NTRK2: variants seen among roughly 807,000 people sequenced by gnomAD.
NTRK2 encodes the protein neurotrophic receptor tyrosine kinase 2, also known as BDNF/NT-3 growth factors receptor.
A neutral mutation model predicts 94.5 loss-of-function variants in NTRK2; 13 were observed. The observed-to-expected ratio is 0.14, with a 90% CI of 0.09 to 0.22. The LOEUF is 0.22. Ranked by LOEUF, NTRK2 falls within the 10% of genes least tolerant of loss-of-function variation. The probability of loss-of-function intolerance (pLI) is 1.00; values close to 1 mark genes in which losing one functional copy is unlikely to be tolerated. For missense variants in NTRK2, 639 were observed against 1,071.2 expected (o/e 0.60, Z 5.63); for synonymous variants, 372 against 407.4 (o/e 0.91, Z 1.05).
chr9:84,880,800 G>A (rs1042711082), intron 14 of NTRK2, among the ~76,000 whole-genome samples: 1 of 152,218 alleles, frequency 6.6e-6, no homozygotes, highest in South Asian at 2.1e-4. Flanking sequence ...GAGTTAGAAC[G>A]GCAAGGTTAG....
At chr9:84,951,882 CTT>C (rs2078795977) in intron 16 of NTRK2, among the ~76,000 whole-genome samples, 1 of 152,176 alleles carries the variant, frequency 6.6e-6, no homozygotes, top group Non-Finnish European at 1.5e-5. Context: ...GATGTCTTCT[CTT>C]GTCTCCCTAC....
chr9:84,740,904 A>G (rs1251837492), intron 9 of NTRK2, among the ~76,000 whole-genome samples: 1 of 152,236 alleles, frequency 6.6e-6, no homozygotes, highest in Admixed American at 6.5e-5. Context: ...TTTTCCTGCT[A>G]AGGGTTCAGA....
chr9:84,863,273 TGTAAAGTCATA>T (rs1554755786), intron 13 of NTRK2, among the ~76,000 whole-genome samples: 1 of 152,190 alleles, frequency 6.6e-6, no homozygotes, highest in Non-Finnish European at 1.5e-5. Context: ...TAGAAATGTC[TGTAAAGTCATA>T]GTACAGGATG....
intron 2 of NTRK2, among the ~76,000 whole-genome samples, chr9:84,683,605 G>A (rs1490307015): frequency 6.6e-6 from 1 of 152,094 alleles, no homozygotes; most frequent in African/African-American, 2.4e-5. Context: ...GGGCATTTTG[G>A]TTGGTTCCAA....
chr9:84,701,156 G>A (rs754533843), intron 2 of NTRK2, among the ~76,000 whole-genome samples: 1 of 152,228 alleles, frequency 6.6e-6, no homozygotes, highest in Non-Finnish European at 1.5e-5. Flanking sequence ...TTTACTGATT[G>A]CAAATGATAG....
chr9:84,923,360 T>C (rs1490693898), intron 14 of NTRK2, among the ~76,000 whole-genome samples: 2 of 152,340 alleles, frequency 1.3e-5, no homozygotes, highest in African/African-American at 4.8e-5. Flanking sequence ...TACCACATTC[T>C]GATTGTGTTA....
chr9:84,716,805 T>C (rs917306411), intron 6 of NTRK2, among the ~76,000 whole-genome samples: 3 of 152,240 alleles, frequency 2.0e-5, no homozygotes, highest in Admixed American at 2.0e-4. Context: ...TGTTTAGAAG[T>C]TATGTAGTAC....
intron 14 of NTRK2, among the ~76,000 whole-genome samples, chr9:84,891,252 C>T (rs2076586089): frequency 1.4e-5 from 2 of 143,354 alleles, no homozygotes; most frequent in Admixed American, 1.4e-4. Context: ...AAAAAAAGTG[C>T]CAGGCCTTCC....
intron 15 of NTRK2, among the ~76,000 whole-genome samples, chr9:84,940,782 T>G (rs1021453205): frequency 6.6e-6 from 1 of 152,138 alleles, no homozygotes; most frequent in African/African-American, 2.4e-5. Flanking sequence ...GTTAGTTGAC[T>G]CAAGTGCTCT....
chr9:84,776,281 G>A (rs2067036912), intron 12 of NTRK2, among the ~76,000 whole-genome samples: 1 of 152,150 alleles, frequency 6.6e-6, no homozygotes, highest in Non-Finnish European at 1.5e-5. Context: ...GAGTGCAGCA[G>A]CATGATCTCA....
intron 17 of NTRK2, among the ~76,000 whole-genome samples, chr9:84,958,773 A>G (rs993136571): frequency 1.3e-5 from 2 of 152,202 alleles, no homozygotes; most frequent in Non-Finnish European, 2.9e-5. Context: ...CCTTTCTAAA[A>G]TGTCAGAATG....
At chr9:84,922,259 A>G (rs2077591007) in intron 14 of NTRK2, among the ~76,000 whole-genome samples, 1 of 152,196 alleles carries the variant, frequency 6.6e-6, no homozygotes, top group Non-Finnish European at 1.5e-5. Context: ...AAATGTCACA[A>G]TTCATTGTGT....
intron 12 of NTRK2, among the ~76,000 whole-genome samples, chr9:84,858,831 T>C (rs1402332833): frequency 6.6e-6 from 1 of 152,198 alleles, no homozygotes; most frequent in Non-Finnish European, 1.5e-5. Flanking sequence ...ATTCAGTTAA[T>C]TTTGGTGATT....
At chr9:84,811,311 C>T (rs185970084) in intron 12 of NTRK2, 452 of 1,065,322 alleles carry the variant, frequency 4.2e-4, no homozygotes, top group Middle Eastern at 3.7e-3. Context: ...AAATGAAAAA[C>T]GTTTAAAAAG....
intron 17 of NTRK2, among the ~76,000 whole-genome samples, chr9:84,975,325 T>C (rs1056104964): frequency 1.3e-5 from 2 of 152,008 alleles, no homozygotes; most frequent in Non-Finnish European, 2.9e-5. Flanking sequence ...TCCTGACCCC[T>C]AGAACAATGG....
chr9:84,942,856 A>G (rs2078459697), intron 15 of NTRK2, among the ~76,000 whole-genome samples: 1 of 152,100 alleles, frequency 6.6e-6, no homozygotes, highest in African/African-American at 2.4e-5. Flanking sequence ...GTTGGCTACC[A>G]TATTGGACAG....
At chr9:84,733,359 T>A (rs949011744) in intron 9 of NTRK2, among the ~76,000 whole-genome samples, 2 of 152,256 alleles carry the variant, frequency 1.3e-5, no homozygotes, top group Non-Finnish European at 2.9e-5. Context: ...CACATCACTT[T>A]GGTATAAGTT....
At chr9:84,872,383 A>G in intron 14 of NTRK2, 11 of 1,091,310 alleles carry the variant, frequency 1.0e-5, no homozygotes, top group Non-Finnish European at 1.2e-5. Flanking sequence ...AGTGTGTTTT[A>G]TCTTCTCCCG....
At chr9:84,997,176 C>T (rs1829848089) in intron 17 of NTRK2, among the ~76,000 whole-genome samples, 1 of 152,158 alleles carries the variant, frequency 6.6e-6, no homozygotes, top group Non-Finnish European at 1.5e-5. Flanking sequence ...AGCTGGTAGC[C>T]AGACAGGTAG....
Sources: allele counts gnomAD v4.1 joint callset (sites outside exome capture counted in the v4.1 genomes callset), GRCh38; gene constraint gnomAD v4.1.1; transcripts MANE v1.5; gene names NCBI Gene and HGNC (gene_info 2026-07-23, HGNC 2026-07-21).